The following WDFY3 variants were observed in gnomAD, a reference collection of about 807,000 sequenced individuals.
WDFY3 encodes the protein WD repeat and FYVE domain-containing protein 3.
A neutral mutation model predicts 409.6 loss-of-function variants in WDFY3; 66 were observed. That is an observed-to-expected ratio of 0.16 (90% CI 0.13 to 0.20). The LOEUF is 0.20. Ranked by LOEUF, WDFY3 falls within the 10% of genes least tolerant of loss-of-function variation. WDFY3 has a pLI of 1.00. For missense variants in WDFY3, 3,031 were observed against 4,298.1 expected, an observed-to-expected ratio of 0.71 and a Z score of 8.24; for synonymous variants, 1,521 against 1,537.1, an observed-to-expected ratio of 0.99 and a Z score of 0.25.
intron 5 of WDFY3, among the ~76,000 whole-genome samples, chr4:84,849,336 T>C (rs1489564704): frequency 6.6e-6 from 1 of 151,882 alleles, no homozygotes; most frequent in Non-Finnish European, 1.5e-5. Context: ...AAACAGTAGT[T>C]CAGAACAGAA....
chr4:84,810,808 T>G (rs1262942886), intron 13 of WDFY3, among the ~76,000 whole-genome samples: 2 of 152,318 alleles, frequency 1.3e-5, no homozygotes, highest in East Asian at 3.9e-4. Context: ...GTGACCATAT[T>G]CATGCTTTAG....
chr4:84,863,267 A>T (rs1426349824), intron 3 of WDFY3, among the ~76,000 whole-genome samples: 2 of 152,194 alleles, frequency 1.3e-5, no homozygotes, highest in East Asian at 3.9e-4. Context: ...TCATAAAGAT[A>T]ATTCTATTTT....
chr4:84,829,486 C>T (rs539184567), intron 8 of WDFY3, among the ~76,000 whole-genome samples: 2 of 151,840 alleles, frequency 1.3e-5, no homozygotes, highest in South Asian at 2.1e-4. Context: ...TGGCCACTGC[C>T]AAATGATATT....
At chr4:84,878,964 C>T (rs973215544) in intron 3 of WDFY3, among the ~76,000 whole-genome samples, 6 of 152,198 alleles carry the variant, frequency 3.9e-5, no homozygotes, top group Admixed American at 3.3e-4. Flanking sequence ...AAGGGAATGC[C>T]GACTTCAGTT....
intron 16 of WDFY3, 108 bp downstream of exon 16, chr4:84,803,182 G>A (rs528248067): frequency 2.5e-6 from 3 of 1,205,738 alleles, no homozygotes; most frequent in African/African-American, 3.1e-5. Context: ...AGCTACTTTA[G>A]TATGTAATAT....
rs1726676126 is a variant in WDFY3 at position 84,678,148 on chromosome 4, G to A, written c.10259+20C>T. 1.9e-6 allele frequency: 3 copies of A among 1,598,762 alleles called. No individual in the cohort carries two copies. The highest frequency in any genetic ancestry group is 2.6e-6 in the Non-Finnish European group (3 of 1,166,136). ...AATGACTCAGATGGGAAGCGGAGCT[G>A]GAAAAAGCCTGACACTTACTTGGAG... is the stretch of plus-strand genomic sequence containing the variant. On this transcript the variant is annotated intron_variant, in intron 66 of 67. Coordinates refer to ENST00000295888, the MANE Select transcript of WDFY3 (RefSeq NM_014991.6).
chr4:84,842,712 C>T (rs1452771410), intron 5 of WDFY3, among the ~76,000 whole-genome samples: 2 of 150,446 alleles, frequency 1.3e-5, no homozygotes, highest in African/African-American at 4.9e-5. Context: ...AACCCAGAGG[C>T]GGAGGGTGCA....
intron 6 of WDFY3, among the ~76,000 whole-genome samples, 155 bp downstream of exon 6, chr4:84,840,999 G>A (rs1757270914): frequency 6.6e-6 from 1 of 152,160 alleles, no homozygotes; most frequent in South Asian, 2.1e-4. Context: ...GAGATGTTAT[G>A]AGAAGCATGA....
rs568656143 is a variant in WDFY3 at position 84,833,687 on chromosome 4, A to G, written c.577-2082T>C. Among the ~76,000 whole-genome samples the G allele has an allele frequency of 7.2e-5, 11 of 151,800 alleles. No homozygotes were observed. In the South Asian group the frequency reaches 2.3e-3, roughly 32 times the overall value. Reference sequence around the variant, plus strand: ...AAAAGAAAAGAAAAGAAAAGAAAAGAAAAGAGAAGAGAAGAGAAGAGAACA... The same window carrying G: ...AAAAGAAAAGAAAAGAAAAGAAAAGGAAAGAGAAGAGAAGAGAAGAGAACA... On this transcript the variant is annotated intron_variant, in intron 7 of 67. Transcript: ENST00000295888.
chr4:84,858,276 C>A (rs1354163332), intron 4 of WDFY3, among the ~76,000 whole-genome samples: 1 of 152,156 alleles, frequency 6.6e-6, no homozygotes, highest in African/African-American at 2.4e-5. Flanking sequence ...TTGAAGGTGA[C>A]TGTTCCTCCC....
chr4:84,822,026 G>A (rs376177600), intron 10 of WDFY3, among the ~76,000 whole-genome samples: 1 of 152,088 alleles, frequency 6.6e-6, no homozygotes, highest in Non-Finnish European at 1.5e-5. Flanking sequence ...TTTATAATTA[G>A]AACACTGTGA....
intron 56 of WDFY3, among the ~76,000 whole-genome samples, chr4:84,702,130 C>T (rs1374212057): frequency 2.0e-5 from 3 of 152,188 alleles, no homozygotes; most frequent in Non-Finnish European, 4.4e-5. Context: ...GCCTCAGCCT[C>T]CTAAGTAGCT....
chr4:84,917,742 T>C (rs1014444161), intron 2 of WDFY3, among the ~76,000 whole-genome samples: 5 of 152,152 alleles, frequency 3.3e-5, no homozygotes, highest in African/African-American at 9.6e-5. Context: ...AAATTGGGAA[T>C]GGTAAAAACC....
intron 62 of WDFY3, 112 bp downstream of exon 62, chr4:84,687,974 G>A (rs1728613152): frequency 8.8e-7 from 1 of 1,138,662 alleles, no homozygotes; most frequent in African/African-American, 1.6e-5. Flanking sequence ...TCCTGCGGTA[G>A]CCTCCTGAGC....
At chr4:84,922,620 T>TA (rs1769434344) in intron 2 of WDFY3, among the ~76,000 whole-genome samples, 1 of 152,122 alleles carries the variant, frequency 6.6e-6, no homozygotes. Context: ...TTTTTTTTTT[T>TA]AATCTTATTG....
At chr4:84,743,633 G>A (rs1490386464) in intron 37 of WDFY3, 67 bp downstream of exon 37, 9 of 1,256,882 alleles carry the variant, frequency 7.2e-6, no homozygotes, top group Non-Finnish European at 8.4e-6. Context: ...TTAAAAAGTA[G>A]TTTTACTTGG....
chr4:84,955,410 G>C (rs1774119404), intron 1 of WDFY3, among the ~76,000 whole-genome samples: 1 of 152,056 alleles, frequency 6.6e-6, no homozygotes, highest in African/African-American at 2.4e-5. Flanking sequence ...GGAAATGCAG[G>C]GAAGAAACAT....
rs762886259 is a variant in WDFY3 at position 84,803,429 on chromosome 4, G to A, written c.2468C>T (p.Pro823Leu). The change falls in exon 16 of 68, where the codon CCT (proline) becomes CTT (leucine). Residue 823 changes from proline to leucine, a missense_variant. Transcript: ENST00000295888. ...TTTCAGGTCGGCAACATTTTTAGGA[G>A]GGTAAACAGGGGGAGTTGAAACAGA... The part of the protein sequence containing the change: ...YHSVSTPPVY[P>L]PKNVADLKLH... 2.5e-6 allele frequency: 4 copies of A among 1,613,704 alleles called. No homozygotes were observed. The highest frequency in any genetic ancestry group is 3.4e-6 in the Non-Finnish European group (4 of 1,179,908).
chr4:84,894,947 C>CAAAAAA (rs70943381), intron 3 of WDFY3, among the ~76,000 whole-genome samples: 1 of 98,840 alleles, frequency 1.0e-5, no homozygotes, highest in Non-Finnish European at 2.0e-5. Flanking sequence ...GAGACTGTCT[C>CAAAAAA]AAAAAAAAAA....
Sources: gnomAD v4.1 joint callset for allele counts (sites outside exome capture counted in the v4.1 genomes callset) on GRCh38, gnomAD v4.1.1 for gene constraint, MANE v1.5 for transcripts, NCBI Gene and HGNC (gene_info 2026-07-23, HGNC 2026-07-21) for gene names.